The following IL1RAPL2 variants were observed in gnomAD, a reference collection of about 807,000 sequenced individuals.
The protein encoded by IL1RAPL2 is X-linked interleukin-1 receptor accessory protein-like 2.
Under a neutral mutation model 44.1 loss-of-function variants are expected in IL1RAPL2, and 3 were observed. The ratio of observed to expected loss-of-function variants is 0.07; its 90% CI spans 0.03 to 0.18. The LOEUF (loss-of-function observed/expected upper bound fraction) is 0.18, where lower values mean the gene tolerates loss of function less well. IL1RAPL2 is among the 10% of genes least tolerant of loss of function. IL1RAPL2 has a pLI of 1.00. For synonymous variants in IL1RAPL2, 181 were observed against 178.8 expected, an observed-to-expected ratio of 1.01 and a Z score of -0.10; for missense variants, 391 against 496.4, an observed-to-expected ratio of 0.79 and a Z score of 2.02.
At chrX:105,219,222 G>T in intron 3 of IL1RAPL2, 1 of 1,211,135 alleles carries the variant, frequency 8.3e-7, no homozygotes, top group Non-Finnish European at 1.1e-6. Flanking sequence ...CTGGTGCTGT[G>T]ACTGTTGCTT....
At chrX:105,220,210 A>T in intron 3 of IL1RAPL2, 1 of 1,210,659 alleles carries the variant, frequency 8.3e-7, no homozygotes, top group South Asian at 1.8e-5. Context: ...GGCCTCTTTG[A>T]CCTCACTGGG....
chrX:105,158,195 A>G (rs923284276), intron 2 of IL1RAPL2, among the ~76,000 whole-genome samples: 5 of 59,955 alleles, frequency 8.3e-5, no homozygotes, highest in Non-Finnish European at 1.5e-4. Flanking sequence ...GTCTCTACTA[A>G]AAATACAAAA....
chrX:105,516,518 C>T (rs929940556), intron 6 of IL1RAPL2, among the ~76,000 whole-genome samples: 1 of 111,756 alleles, frequency 8.9e-6, no homozygotes, highest in Non-Finnish European at 1.9e-5. Context: ...GTGAAAGCAC[C>T]TGCTTAGAAA....
At position 104,593,920 on chromosome X, in the gene IL1RAPL2, A is replaced by G. The variant is rs191936278; in HGVS notation, c.-20+26869A>G. The stretch of plus-strand genomic sequence containing the variant: ...CTATCTACCAAAGACCCTACTGTGG[A>G]CTATCTTTGTGATTTTTTCACATTT... On this transcript the variant is annotated intron_variant, in intron 1 of 10. Coordinates refer to ENST00000372582, the MANE Select transcript of IL1RAPL2 (RefSeq NM_017416.2). Among the ~76,000 whole-genome samples the G allele has an allele frequency of 6.2e-5, 7 of 112,314 alleles. No individual in the cohort carries two copies. The East Asian group carries it at 2.0e-3, about 31-fold the overall frequency.
At chrX:105,456,886 G>A (rs2147764505) in intron 5 of IL1RAPL2, among the ~76,000 whole-genome samples, 1 of 110,394 alleles carries the variant, frequency 9.1e-6, no homozygotes, top group South Asian at 3.9e-4. Context: ...TGAAAGATAT[G>A]GTCTGTCTCA....
At chrX:104,680,436 A>G (rs1386522666) in intron 2 of IL1RAPL2, among the ~76,000 whole-genome samples, 1 of 111,533 alleles carries the variant, frequency 9.0e-6, no homozygotes, top group East Asian at 2.8e-4. Flanking sequence ...AATCAGGGAT[A>G]ACTTTATAAG....
In IL1RAPL2 at chrX:104,841,256, C is replaced by T. The variant is rs1921895100; in HGVS notation, c.82+182261C>T. 3.6e-5 allele frequency among the ~76,000 whole-genome samples: 4 copies of T among 111,561 alleles called. No individual in the cohort carries two copies. In the Admixed American group the frequency reaches 3.8e-4, roughly 11 times the overall value. On this transcript the variant is annotated intron_variant, in intron 2 of 10. Coordinates refer to ENST00000372582, the MANE Select transcript of IL1RAPL2 (RefSeq NM_017416.2). ...ATTTGCTTGGTAAATATTCCCCCACCCCTTTATTTTGAGCCTATGTGTGTC... is the reference window on the plus strand; with the variant it reads ...ATTTGCTTGGTAAATATTCCCCCACTCCTTTATTTTGAGCCTATGTGTGTC...
At chrX:105,159,254 A>G (rs2033299418) in intron 2 of IL1RAPL2, among the ~76,000 whole-genome samples, 1 of 112,249 alleles carries the variant, frequency 8.9e-6, no homozygotes, top group Non-Finnish European at 1.9e-5. Flanking sequence ...GTTTTCTAGA[A>G]CTTGGAGCTT....
intron 6 of IL1RAPL2, among the ~76,000 whole-genome samples, chrX:105,709,578 A>G (rs1329231877): frequency 1.8e-5 from 2 of 111,572 alleles, no homozygotes; most frequent in Non-Finnish European, 3.8e-5. Context: ...AGAAGAAGAA[A>G]GTGTGGCTTA....
At chrX:104,645,402 T>G (rs1387692321) in intron 1 of IL1RAPL2, among the ~76,000 whole-genome samples, 1 of 111,848 alleles carries the variant, frequency 8.9e-6, no homozygotes, top group Non-Finnish European at 1.9e-5. Flanking sequence ...TCCTATCTAT[T>G]AATAACACTC....
intron 2 of IL1RAPL2, among the ~76,000 whole-genome samples, chrX:105,113,603 A>T (rs2032822862): frequency 8.9e-6 from 1 of 111,967 alleles, no homozygotes; most frequent in Admixed American, 9.4e-5. Flanking sequence ...AGAGTAGAAC[A>T]TTGTGCCTCC....
intron 2 of IL1RAPL2, among the ~76,000 whole-genome samples, chrX:104,763,324 C>A (rs369036913): frequency 8.9e-6 from 1 of 112,000 alleles, no homozygotes; most frequent in Non-Finnish European, 1.9e-5. Flanking sequence ...ACATTTTGTT[C>A]GAAACCATTC....
intron 5 of IL1RAPL2, among the ~76,000 whole-genome samples, chrX:105,400,716 T>C (rs1483568375): frequency 8.9e-6 from 1 of 112,134 alleles, no homozygotes; most frequent in African/African-American, 3.2e-5. Flanking sequence ...CTAAGTTAAC[T>C]TGTCTTTTCA....
chrX:104,735,829 T>A (rs968476213), intron 2 of IL1RAPL2, among the ~76,000 whole-genome samples: 1 of 111,606 alleles, frequency 9.0e-6, no homozygotes, highest in Non-Finnish European at 1.9e-5. Flanking sequence ...CAAGCTGTGA[T>A]ACACGATGTT....
chrX:104,853,478 G>T lies in IL1RAPL2; in HGVS notation c.82+194483G>T, dbSNP rs1024724379. Among the ~76,000 whole-genome samples the T allele has an allele frequency of 3.6e-5, 4 of 111,231 alleles. No individual in the cohort carries two copies. In the Admixed American group the frequency reaches 3.8e-4, roughly 11 times the overall value. On this transcript the variant is annotated intron_variant, in intron 2 of 10. Coordinates refer to ENST00000372582, the MANE Select transcript of IL1RAPL2 (RefSeq NM_017416.2). ...AGTTTAGCCGATAAGGAATGATGAA[G>T]GGGAATGTGGGAGGTTTATGGTGGA... is the stretch of plus-strand genomic sequence containing the variant.
intron 2 of IL1RAPL2, among the ~76,000 whole-genome samples, chrX:104,736,182 ATCTCCT>A (rs1932010305): frequency 9.0e-6 from 1 of 111,627 alleles, no homozygotes; most frequent in African/African-American, 3.3e-5. Context: ...ACCTTCACTG[ATCTCCT>A]TTGAACTATG....
At chrX:104,666,664 G>T (rs1313219318) in intron 2 of IL1RAPL2, among the ~76,000 whole-genome samples, 1 of 111,852 alleles carries the variant, frequency 8.9e-6, no homozygotes, top group Non-Finnish European at 1.9e-5. Context: ...TGTTATTTCT[G>T]CCAGGTGAGT....
intron 2 of IL1RAPL2, among the ~76,000 whole-genome samples, chrX:104,891,010 T>C (rs903625533): frequency 8.9e-6 from 1 of 112,200 alleles, no homozygotes; most frequent in Admixed American, 9.5e-5. Flanking sequence ...TTCAGCTTTC[T>C]ACATATGGCT....
chrX:104,907,632 C>A, intron 2 of IL1RAPL2, among the ~76,000 whole-genome samples: 1 of 111,366 alleles, frequency 9.0e-6, no homozygotes. Flanking sequence ...ATTCTTAATC[C>A]TGAGTTCTAG....
Sources: allele counts gnomAD v4.1 joint callset (sites outside exome capture counted in the v4.1 genomes callset), GRCh38; gene constraint gnomAD v4.1.1; transcripts MANE v1.5; gene names NCBI Gene and HGNC (gene_info 2026-07-23, HGNC 2026-07-21).